SPRED1: variants seen among roughly 807,000 people sequenced by gnomAD.
The protein encoded by SPRED1 is sprouty related EVH1 domain containing 1, also known as sprouty-related, EVH1 domain-containing protein 1.
In SPRED1, 18 loss-of-function variants were observed where a neutral mutation model predicts 52.3. The observed-to-expected ratio is 0.34, with a 90% confidence interval of 0.24 to 0.51. The LOEUF (loss-of-function observed/expected upper bound fraction) is 0.51, where lower values mean the gene tolerates loss of function less well. Among genes scored for constraint, SPRED1 ranks in the 20% least tolerant of loss-of-function variants. The pLI is 0.97. For synonymous variants in SPRED1, 155 were observed against 179.7 expected, an observed-to-expected ratio of 0.86 and a Z score of 1.10; for missense variants, 485 against 551.0, an observed-to-expected ratio of 0.88 and a Z score of 1.20.
intron 4 of SPRED1, among the ~76,000 whole-genome samples, chr15:38,328,960 C>T (rs2140999677): frequency 6.6e-6 from 1 of 152,278 alleles, no homozygotes; most frequent in Middle Eastern, 3.4e-3. Context: ...AAGTGATCCA[C>T]CCACCCACCT....
chr15:38,287,800 A>C (rs1894840608), intron 1 of SPRED1, among the ~76,000 whole-genome samples: 1 of 152,150 alleles, frequency 6.6e-6, no homozygotes, highest in Non-Finnish European at 1.5e-5. Flanking sequence ...CAGGGACTTG[A>C]GCGTCAAGGA....
rs534705796 is a variant in SPRED1 at position 38,345,715 on chromosome 15, G to A, written c.583-3707G>A. Among the ~76,000 whole-genome samples, 185 of 152,212 alleles carry A rather than the reference G, an allele frequency of 1.2e-3. 2 individuals carry two copies. Among genetic ancestry groups the A allele is most frequent in the Admixed American group, 3.5e-3 (54 of 15,296 alleles). On this transcript the variant is annotated intron_variant, in intron 5 of 6. Transcript: ENST00000299084. ...CCCAGCATTGGAACCCTGAACTTAG[G>A]GAAGTCAAGTCTTTTGTAATGACTT...
chr15:38,253,108 C>T lies in SPRED1; in HGVS notation c.-78C>T. ...CGCGCCCCCCCGGCCGCCGCTGCCT[C>T]CTGCCCCTCGGTGCTGCTGTTGCTC... is the stretch of plus-strand genomic sequence containing the variant. On this transcript the variant is annotated 5_prime_UTR_variant, in exon 1 of 7. Transcript: ENST00000299084. The T allele has an allele frequency of 2.2e-6, 3 of 1,379,766 alleles. No individual in the cohort carries two copies. Among genetic ancestry groups the T allele is most frequent in the East Asian group, 2.5e-5 (1 of 40,258 alleles). The allele number at this position is 1,379,766 out of a possible 1,614,324, so 85.5% of individuals were successfully genotyped here. A position where few individuals can be genotyped will look rare whatever the true frequency, so the allele number is the denominator to read the frequency against.
intron 1 of SPRED1, among the ~76,000 whole-genome samples, chr15:38,298,210 A>G (rs570924015): frequency 6.6e-6 from 1 of 152,204 alleles, no homozygotes; most frequent in African/African-American, 2.4e-5. Context: ...GAAAACACCA[A>G]GTATTGGCAA....
At chr15:38,332,039 A>G (rs1895815870) in intron 4 of SPRED1, among the ~76,000 whole-genome samples, 1 of 152,168 alleles carries the variant, frequency 6.6e-6, no homozygotes, top group Non-Finnish European at 1.5e-5. Context: ...GCAAAGTGTA[A>G]CTTGTATACT....
intron 1 of SPRED1, among the ~76,000 whole-genome samples, chr15:38,263,263 A>G (rs1894239051): frequency 6.6e-6 from 1 of 152,184 alleles, no homozygotes; most frequent in African/African-American, 2.4e-5. Context: ...TGGGAAAATA[A>G]CCCAGTTTTG....
At chr15:38,268,032 T>C (rs1241564765) in intron 1 of SPRED1, 1 of 152,214 alleles carries the variant, frequency 6.6e-6, no homozygotes, top group Non-Finnish European at 1.5e-5. Context: ...TTCACATAAC[T>C]CTGAGTTAGT....
rs148980216 is a variant in SPRED1 at position 38,257,879 on chromosome 15, C to T, written c.32+4662C>T. On this transcript the variant is annotated intron_variant, in intron 1 of 6. Transcript: ENST00000299084. ...GCAGCTGTTGGTGACTGAGAACTGCCTAAGGGGAAAGTGTAACAATTTAGC... is the reference window on the plus strand; with the variant it reads ...GCAGCTGTTGGTGACTGAGAACTGCTTAAGGGGAAAGTGTAACAATTTAGC... Among the ~76,000 whole-genome samples, 222 of 152,276 alleles carry T rather than the reference C, an allele frequency of 1.5e-3. 2 individuals carry two copies. Among genetic ancestry groups the T allele is most frequent in the African/African-American group, 4.8e-3 (200 of 41,554 alleles).
At chr15:38,300,968 G>A (rs1189291804) in intron 2 of SPRED1, among the ~76,000 whole-genome samples, 1 of 152,020 alleles carries the variant, frequency 6.6e-6, no homozygotes, top group African/African-American at 2.4e-5. Flanking sequence ...AAAATCTAAG[G>A]CATTTTTTTC....
chr15:38,253,311 C>G (rs571645540), intron 1 of SPRED1, 94 bp downstream of exon 1: 14 of 1,259,432 alleles, frequency 1.1e-5, no homozygotes, highest in Non-Finnish European at 1.6e-5. Context: ...TGCCGGAAAG[C>G]TTGCGACCCT....
intron 2 of SPRED1, among the ~76,000 whole-genome samples, chr15:38,313,469 G>A (rs1484386354): frequency 6.6e-6 from 1 of 151,836 alleles, no homozygotes; most frequent in African/African-American, 2.4e-5. Flanking sequence ...ATAACATCTT[G>A]TGCTAGAAAG....
Position 38,351,734 on chromosome 15 carries a change from C to A in SPRED1, c.*70C>A, listed in dbSNP as rs1171662592. 1.9e-6 allele frequency: 3 copies of A among 1,569,700 alleles called. No individual in the cohort carries two copies. The highest frequency in any genetic ancestry group is 4.5e-5 in the East Asian group (2 of 44,054). On this transcript the variant is annotated 3_prime_UTR_variant, in exon 7 of 7. Coordinates refer to ENST00000299084, the MANE Select transcript of SPRED1 (RefSeq NM_152594.3). ...ATTAGCTAACTTGGATTTGTGGAAG[C>A]TTTTGGCAAGCAATATGGAATCTTG... is the stretch of plus-strand genomic sequence containing the variant.
In SPRED1 at chr15:38,252,988, G is replaced by T. The variant is rs1894010834; in HGVS notation, c.-198G>T. ...GGTCGCCACGGCGGAGGTTGCTGCC[G>T]CCACCCCCCTGCGGGGGTGGCCGGG... is the stretch of plus-strand genomic sequence containing the variant. On this transcript the variant is annotated 5_prime_UTR_variant, in exon 1 of 7. Coordinates refer to ENST00000299084, the MANE Select transcript of SPRED1 (RefSeq NM_152594.3). 5.0e-6 allele frequency: 3 copies of T among 605,266 alleles called. No homozygotes were observed. The African/African-American group carries it at 5.6e-5, about 11-fold the overall frequency. 37.5% of individuals were successfully genotyped at this position (605,266 alleles called of 1,614,324 possible).
chr15:38,309,101 A>G (rs1895309965), intron 2 of SPRED1, among the ~76,000 whole-genome samples: 1 of 152,092 alleles, frequency 6.6e-6, no homozygotes, highest in African/African-American at 2.4e-5. Flanking sequence ...TCATTTGATT[A>G]TTTGTACCTT....
Position 38,252,911 on chromosome 15 carries a change from C to A in SPRED1, c.-275C>A. On this transcript the variant is annotated 5_prime_UTR_variant, in exon 1 of 7. Coordinates refer to ENST00000299084, the MANE Select transcript of SPRED1 (RefSeq NM_152594.3). ...CAGCCCCTCTCTTTTTCCCTTTCCA[C>A]CGGGCCTCCTCGGATCCCTTGGCTG... 1 of 561,440 alleles carries A rather than the reference C, an allele frequency of 1.8e-6. No individual in the cohort carries two copies. The highest frequency in any genetic ancestry group is 3.2e-6 in the Non-Finnish European group (1 of 313,506). The allele number at this position is 561,440 out of a possible 1,614,324, so 34.8% of individuals were successfully genotyped here. A position where few individuals can be genotyped will look rare whatever the true frequency, so the allele number is the denominator to read the frequency against.
At chr15:38,302,635 A>G (rs981999963) in intron 2 of SPRED1, among the ~76,000 whole-genome samples, 1 of 152,134 alleles carries the variant, frequency 6.6e-6, no homozygotes, top group African/African-American at 2.4e-5. Flanking sequence ...CCTGTGTGCC[A>G]TGAGTGTCTG....
intron 1 of SPRED1, among the ~76,000 whole-genome samples, chr15:38,279,610 A>C (rs1341946737): frequency 6.6e-6 from 1 of 152,192 alleles, no homozygotes; most frequent in African/African-American, 2.4e-5. Flanking sequence ...CTTACCAGTT[A>C]TGTGGTTCTG....
chr15:38,331,555 C>T (rs1160450925), intron 4 of SPRED1, among the ~76,000 whole-genome samples: 2 of 152,074 alleles, frequency 1.3e-5, no homozygotes, highest in African/African-American at 2.4e-5. Flanking sequence ...ATCCACAATT[C>T]AGAATGTTCC....
intron 2 of SPRED1, among the ~76,000 whole-genome samples, chr15:38,321,383 A>G (rs1473398481): frequency 6.6e-6 from 1 of 152,174 alleles, no homozygotes; most frequent in Non-Finnish European, 1.5e-5. Flanking sequence ...ATGAATGCAC[A>G]TTCGGTCATT....
Sources: gnomAD v4.1 joint callset for allele counts (sites outside exome capture counted in the v4.1 genomes callset) on GRCh38, gnomAD v4.1.1 for gene constraint, MANE v1.5 for transcripts, NCBI Gene and HGNC (gene_info 2026-07-23, HGNC 2026-07-21) for gene names.